COL5A1: variants seen among roughly 807,000 people sequenced by gnomAD.
COL5A1 encodes the protein collagen type V alpha 1 chain, also known as collagen alpha-1(V) chain.
Under a neutral mutation model 263.7 loss-of-function variants are expected in COL5A1, and 16 were observed. The observed-to-expected ratio is 0.06, with a 90% CI of 0.04 to 0.09. The LOEUF (loss-of-function observed/expected upper bound fraction) is 0.09. Ranked by LOEUF, COL5A1 falls within the 10% of genes least tolerant of loss-of-function variation. The pLI, the probability that COL5A1 is intolerant of heterozygous loss-of-function variation, is 1.00. For synonymous variants in COL5A1, 1,012 were observed against 1,004.5 expected (o/e 1.01, Z -0.14); for missense variants, 2,036 against 2,540.5 (o/e 0.80, Z 4.27).
At chr9:134,723,963 C>G (rs941337313) in intron 4 of COL5A1, among the ~76,000 whole-genome samples, 7 of 152,176 alleles carry the variant, frequency 4.6e-5, no homozygotes, top group African/African-American at 1.4e-4. Context: ...ACACATACCC[C>G]ACTCTCTTCC....
Position 134,677,184 on chromosome 9 carries a change from G to A in COL5A1, c.110-13728G>A, listed in dbSNP as rs1832707431. Among the ~76,000 whole-genome samples the A allele has an allele frequency of 6.6e-6, 1 of 152,148 alleles. No homozygotes were observed. The highest frequency in any genetic ancestry group is 1.5e-5 in the Non-Finnish European group (1 of 68,024). ...TTCATGAAGGAACAGTGTCTCTGCT[G>A]GATGCTACCTTGAATATTCAGAATA... On this transcript the variant is annotated intron_variant, in intron 1 of 65. Coordinates refer to ENST00000371817, the MANE Select transcript of COL5A1 (RefSeq NM_000093.5). This position sits in a 1 kb window ranked among gnomAD's most constrained non-coding sequence, Gnocchi z 4.4.
chr9:134,724,983 A>G (rs549058922), intron 4 of COL5A1, among the ~76,000 whole-genome samples: 1 of 152,158 alleles, frequency 6.6e-6, no homozygotes, highest in Non-Finnish European at 1.5e-5. Context: ...CCCGCTGGCT[A>G]CTGTGGCTCT....
chr9:134,820,056 G>A (rs1473761961), intron 57 of COL5A1, 60 bp from the exon 58 acceptor site: 26 of 1,295,082 alleles, frequency 2.0e-5, no homozygotes, highest in East Asian at 4.6e-5. Context: ...CTGGCCCACC[G>A]TGGCCGAGCA....
At chr9:134,649,852 C>T (rs1331768357) in intron 1 of COL5A1, among the ~76,000 whole-genome samples, 2 of 152,082 alleles carry the variant, frequency 1.3e-5, no homozygotes, top group African/African-American at 2.4e-5. Context: ...ACTATGCAGC[C>T]ATAAAAAAAG....
intron 1 of COL5A1, among the ~76,000 whole-genome samples, chr9:134,665,131 G>A (rs749064292): frequency 6.6e-6 from 1 of 152,210 alleles, no homozygotes; most frequent in Non-Finnish European, 1.5e-5. Flanking sequence ...CCCTGGAGAC[G>A]GAGGTTGCAG....
At chr9:134,729,336 G>A (rs1023738243) in intron 6 of COL5A1, among the ~76,000 whole-genome samples, 6 of 152,208 alleles carry the variant, frequency 3.9e-5, no homozygotes, top group Non-Finnish European at 7.4e-5. Context: ...CCCGGGCCCC[G>A]TGCAGGAGTG....
At chr9:134,766,676 G>T (rs1471007096) in intron 22 of COL5A1, among the ~76,000 whole-genome samples, 178 bp downstream of exon 22, 1 of 152,226 alleles carries the variant, frequency 6.6e-6, no homozygotes, top group Non-Finnish European at 1.5e-5. Flanking sequence ...ACTTTAGCAT[G>T]ATGGGGTGAC....
chr9:134,800,773 AGAAG>A (rs1838086378), intron 37 of COL5A1, among the ~76,000 whole-genome samples: 1 of 148,986 alleles, frequency 6.7e-6, no homozygotes, highest in Non-Finnish European at 1.5e-5. Context: ...AAAAAAAAAA[AGAAG>A]CTAGTCTGCT....
Position 134,784,981 on chromosome 9 carries a change from G to C in COL5A1, c.2485-8G>C. The C allele has an allele frequency of 1.2e-6, 2 of 1,610,710 alleles. No individual in the cohort carries two copies. ...TGGTCTTCTCACCTCCTCTTTTCTG[G>C]CTTGCAGGGGGAGATCGGCCCACCC... On this transcript the variant is annotated splice_region_variant and splice_polypyrimidine_tract_variant and intron_variant, in intron 29 of 65. Coordinates refer to ENST00000371817, the MANE Select transcript of COL5A1 (RefSeq NM_000093.5).
At position 134,812,759 on chromosome 9, in the gene COL5A1, A is replaced by T. The variant is rs111564392; in HGVS notation, c.3852+47A>T. On this transcript the variant is annotated intron_variant, in intron 48 of 65. Coordinates refer to ENST00000371817, the MANE Select transcript of COL5A1 (RefSeq NM_000093.5). ...GTGGCAGATTTGCGGTTGTTTGAGG[A>T]GTGTGTGTGTGTGTCTGTGTGTGTG... is the stretch of plus-strand genomic sequence containing the variant. 754 of 969,632 alleles carry T rather than the reference A, an allele frequency of 7.8e-4. 1 individual carries two copies. The highest frequency in any genetic ancestry group is 1.0e-3 in the Non-Finnish European group (676 of 664,346). 60.1% of individuals were successfully genotyped at this position (969,632 alleles called of 1,614,324 possible).
intron 6 of COL5A1, among the ~76,000 whole-genome samples, chr9:134,729,563 TGTGTGTGAGC>T (rs1486040486): frequency 2.4e-5 from 2 of 85,000 alleles, no homozygotes; most frequent in African/African-American, 1.0e-4. Flanking sequence ...CATGAGCCTG[TGTGTGTGAGC>T]GTGTGTGAGC....
chr9:134,812,942 T>G (rs1838594242), intron 48 of COL5A1, among the ~76,000 whole-genome samples: 1 of 152,054 alleles, frequency 6.6e-6, no homozygotes, highest in Non-Finnish European at 1.5e-5. Context: ...GGCAGATGCT[T>G]GTGAAATGGA....
intron 39 of COL5A1, 117 bp downstream of exon 39, chr9:134,803,112 C>T: frequency 1.2e-6 from 1 of 856,380 alleles, no homozygotes; most frequent in Non-Finnish European, 1.9e-6. Flanking sequence ...AGACGCTTCT[C>T]ATGCCGGTTC....
intron 37 of COL5A1, among the ~76,000 whole-genome samples, chr9:134,801,636 A>G (rs1487785744): frequency 6.6e-6 from 1 of 151,932 alleles, no homozygotes; most frequent in Non-Finnish European, 1.5e-5. Context: ...AAAATACAAA[A>G]ATTTGCCAGG....
intron 1 of COL5A1, among the ~76,000 whole-genome samples, chr9:134,687,846 G>T (rs753822537): frequency 6.6e-6 from 1 of 152,146 alleles, no homozygotes; most frequent in African/African-American, 2.4e-5. Context: ...GCCAGTGTGC[G>T]GTGGCCACTG....
rs533605580 is a variant in COL5A1, at chr9:134,723,958, T to C, written c.655-3308T>C. Among the ~76,000 whole-genome samples, 4 of 152,266 alleles carry C rather than the reference T, an allele frequency of 2.6e-5. No individual in the cohort carries two copies. In the East Asian group the frequency reaches 7.7e-4, roughly 29 times the overall value. Reference sequence around the variant, plus strand: ...GTCACCCACGATAACCACAGACACATACCCCACTCTCTTCCCCTTTTTGGT... The same window carrying C: ...GTCACCCACGATAACCACAGACACACACCCCACTCTCTTCCCCTTTTTGGT... On this transcript the variant is annotated intron_variant, in intron 4 of 65. Coordinates refer to ENST00000371817, the MANE Select transcript of COL5A1 (RefSeq NM_000093.5).
chr9:134,674,077 G>A (rs974473471), intron 1 of COL5A1, among the ~76,000 whole-genome samples: 1 of 152,180 alleles, frequency 6.6e-6, no homozygotes, highest in African/African-American at 2.4e-5. Flanking sequence ...GGGATGCAAA[G>A]GGGTGCAACC....
chr9:134,744,742 C>G (rs1022044323), intron 11 of COL5A1, among the ~76,000 whole-genome samples: 1 of 152,114 alleles, frequency 6.6e-6, no homozygotes, highest in Non-Finnish European at 1.5e-5. Context: ...CACTCACACA[C>G]CTGCACACAC....
chr9:134,655,807 A>G (rs1049468824), intron 1 of COL5A1, among the ~76,000 whole-genome samples: 2 of 152,154 alleles, frequency 1.3e-5, no homozygotes, highest in Non-Finnish European at 2.9e-5. Context: ...TGTGCCCACC[A>G]GGCTGTCCTA....
Sources: gnomAD v4.1 joint callset for allele counts (sites outside exome capture counted in the v4.1 genomes callset) on GRCh38, gnomAD v4.1.1 for gene constraint, Gnocchi (gnomAD v3.1) non-coding constraint, MANE v1.5 for transcripts, NCBI Gene and HGNC (gene_info 2026-07-23, HGNC 2026-07-21) for gene names.